Variants in BACE2 observed in about 807,000 individuals in gnomAD.
BACE2 encodes 56 kDa aspartic-like protease.
BACE2 carries 17 observed loss-of-function variants against 46.2 expected under a neutral mutation model. That is an observed-to-expected ratio of 0.37 (90% CI 0.25 to 0.55). The LOEUF (loss-of-function observed/expected upper bound fraction) is 0.55. BACE2 is among the 20% of genes least tolerant of loss of function. The pLI, the probability that BACE2 is intolerant of heterozygous loss-of-function variation, is 0.82. For synonymous variants in BACE2, 277 were observed against 295.9 expected (o/e 0.94, Z 0.66); for missense variants, 595 against 698.1 (o/e 0.85, Z 1.66).
At chr21:41,252,159 C>T (rs1190311200) in intron 7 of BACE2, among the ~76,000 whole-genome samples, 1 of 152,168 alleles carries the variant, frequency 6.6e-6, no homozygotes, top group African/African-American at 2.4e-5. Context: ...AGCAGTGCGT[C>T]CCCATGATTT....
At chr21:41,274,119 A>G (rs2078461887) in intron 8 of BACE2, among the ~76,000 whole-genome samples, 1 of 152,022 alleles carries the variant, frequency 6.6e-6, no homozygotes, top group South Asian at 2.1e-4. Context: ...GAAGATCATT[A>G]TCTACAAACC....
intron 1 of BACE2, among the ~76,000 whole-genome samples, chr21:41,222,405 A>G (rs986579025): frequency 5.9e-5 from 9 of 152,184 alleles, no homozygotes; most frequent in Non-Finnish European, 1.2e-4. Flanking sequence ...GAAGGGAGCG[A>G]TGGGCCGTGC....
intron 1 of BACE2, among the ~76,000 whole-genome samples, chr21:41,203,633 C>G (rs1179717484): frequency 6.6e-6 from 1 of 152,126 alleles, no homozygotes; most frequent in East Asian, 1.9e-4. Context: ...CCAGAGACAC[C>G]TGAATTTTGA....
intron 1 of BACE2, among the ~76,000 whole-genome samples, chr21:41,173,935 T>A (rs983555283): frequency 2.0e-5 from 3 of 151,954 alleles, no homozygotes; most frequent in Non-Finnish European, 4.4e-5. Flanking sequence ...AAAGACATTA[T>A]AAGGCAACCC....
At chr21:41,209,013 G>T (rs372365264) in intron 1 of BACE2, among the ~76,000 whole-genome samples, 1 of 152,174 alleles carries the variant, frequency 6.6e-6, no homozygotes, top group Non-Finnish European at 1.5e-5. Context: ...TTGCAGCCAC[G>T]TACAGGTGGT....
intron 3 of BACE2, 116 bp downstream of exon 3, chr21:41,237,845 G>A (rs1043866736): frequency 1.7e-5 from 13 of 782,388 alleles, no homozygotes; most frequent in East Asian, 2.6e-5. Flanking sequence ...TGAGAACCAC[G>A]TGGTGGAAAC....
intron 1 of BACE2, among the ~76,000 whole-genome samples, chr21:41,201,717 G>A (rs867059988): frequency 3.3e-5 from 5 of 152,252 alleles, no homozygotes; most frequent in Admixed American, 1.3e-4. Flanking sequence ...ACTGTTGTGC[G>A]TGTAAATCTA....
In BACE2 at chr21:41,276,238, C is replaced by T. The variant is rs1328749231; in HGVS notation, c.*614C>T. ...GAGCCAGAATTCACTAGGAGGTCAT[C>T]AACCGATGGTCCTCACAAGCCTCTT... is the stretch of plus-strand genomic sequence containing the variant. On this transcript the variant is annotated 3_prime_UTR_variant, in exon 9 of 9. Transcript: ENST00000330333. 1.3e-5 allele frequency: 2 copies of T among 152,904 alleles called. No individual in the cohort carries two copies. Among genetic ancestry groups the T allele is most frequent in the African/African-American group, 2.4e-5 (1 of 41,436 alleles). 9.5% of individuals were successfully genotyped at this position (152,904 alleles called of 1,614,324 possible). A position where few individuals can be genotyped will look rare whatever the true frequency, so the allele number is the denominator to read the frequency against.
At chr21:41,209,230 G>C (rs1282467003) in intron 1 of BACE2, among the ~76,000 whole-genome samples, 2 of 152,238 alleles carry the variant, frequency 1.3e-5, no homozygotes, top group African/African-American at 2.4e-5. Context: ...TGCGCCTTCT[G>C]GGGGTGGGAG....
intron 8 of BACE2, among the ~76,000 whole-genome samples, chr21:41,271,115 T>TTTTGGAATAATA (rs1390174760): frequency 3.9e-5 from 6 of 152,230 alleles, no homozygotes; most frequent in African/African-American, 1.4e-4. Flanking sequence ...ATATAGCCAC[T>TTTTGGAATAATA]CTGGATTTCT....
chr21:41,246,095 G>A (rs1671361604), intron 6 of BACE2, 32 bp downstream of exon 6: 1 of 1,544,930 alleles, frequency 6.5e-7, no homozygotes, highest in South Asian at 1.2e-5. Flanking sequence ...GGGTCCCCGA[G>A]TTGCTGAGTT....
rs1045265844 is a variant in BACE2, at chr21:41,221,780, A to G, written c.313-4486A>G. On this transcript the variant is annotated intron_variant, in intron 1 of 8. Coordinates refer to ENST00000330333, the MANE Select transcript of BACE2 (RefSeq NM_012105.5). ...GAGGAGGAGCTTGCAGTGAGCTGAG[A>G]TAGAGCCACTGCACTCCAGCCTGGG... Among the ~76,000 whole-genome samples the G allele has an allele frequency of 1.0e-4, 15 of 150,484 alleles. No homozygotes were observed. In the Middle Eastern group the frequency reaches 0.01, roughly 105 times the overall value.
intron 1 of BACE2, among the ~76,000 whole-genome samples, chr21:41,223,513 T>C (rs1446304495): frequency 3.3e-5 from 5 of 152,232 alleles, no homozygotes; most frequent in Non-Finnish European, 5.9e-5. Flanking sequence ...TTTGGCATTC[T>C]TGTGACTCCG....
chr21:41,257,980 A>G lies in BACE2; in HGVS notation c.1303+654A>G, dbSNP rs185782535. ...GAGTGCTCACACCACACACGGCTTAATGGGAGGATTAGGTATTTCTGACTG... is the reference window on the plus strand; with the variant it reads ...GAGTGCTCACACCACACACGGCTTAGTGGGAGGATTAGGTATTTCTGACTG... On this transcript the variant is annotated intron_variant, in intron 8 of 8. Transcript: ENST00000330333. Among the ~76,000 whole-genome samples, 45 of 152,320 alleles carry G rather than the reference A, an allele frequency of 3.0e-4. No individual in the cohort carries two copies. In the East Asian group the frequency reaches 8.7e-3, roughly 29 times the overall value.
At chr21:41,169,214 CGGCGGCCCT>C (rs1984506542) in intron 1 of BACE2, among the ~76,000 whole-genome samples, 1 of 151,936 alleles carries the variant, frequency 6.6e-6, no homozygotes, top group African/African-American at 2.4e-5. Context: ...CTCGCTCATC[CGGCGGCCCT>C]GCCCCTCTGC....
chr21:41,215,045 G>C (rs1441494432), intron 1 of BACE2, among the ~76,000 whole-genome samples: 1 of 152,196 alleles, frequency 6.6e-6, no homozygotes, highest in Non-Finnish European at 1.5e-5. Flanking sequence ...AGGCTGGACA[G>C]GTCAGGGGAG....
intron 5 of BACE2, among the ~76,000 whole-genome samples, chr21:41,243,891 A>C (rs1193517836): frequency 4.1e-5 from 6 of 145,270 alleles, no homozygotes; most frequent in African/African-American, 1.7e-4. Context: ...AAATTAAGCA[A>C]AATGAAACCG....
chr21:41,252,398 T>C (rs1010959861), intron 7 of BACE2: 1 of 152,166 alleles, frequency 6.6e-6, no homozygotes, highest in Non-Finnish European at 1.5e-5. Flanking sequence ...CCTTTAAGAC[T>C]CAACTCAAAC....
intron 1 of BACE2, among the ~76,000 whole-genome samples, chr21:41,188,557 ATCAC>A (rs1985458736): frequency 6.6e-6 from 1 of 151,254 alleles, no homozygotes; most frequent in African/African-American, 2.5e-5. Context: ...ATTCCTACCC[ATCAC>A]CCCCCCAGAC....
Sources: gnomAD v4.1 joint callset for allele counts (sites outside exome capture counted in the v4.1 genomes callset) on GRCh38, gnomAD v4.1.1 for gene constraint, MANE v1.5 for transcripts, NCBI Gene and HGNC (gene_info 2026-07-23, HGNC 2026-07-21) for gene names.